Variants in IGF1R observed in about 807,000 individuals in gnomAD.
IGF1R encodes insulin like growth factor 1 receptor.
In IGF1R, 44 loss-of-function variants were observed where a neutral mutation model predicts 144.6. The ratio of observed to expected loss-of-function variants is 0.30; its 90% confidence interval spans 0.24 to 0.39. The LOEUF (loss-of-function observed/expected upper bound fraction) is 0.39, where lower values mean the gene tolerates loss of function less well. Ranked by LOEUF, IGF1R falls within the 10% of genes least tolerant of loss-of-function variation. The pLI is 1.00. For synonymous variants in IGF1R, 795 were observed against 722.8 expected (o/e 1.10, Z -1.60); for missense variants, 1,355 against 1,833.7 (o/e 0.74, Z 4.77).
At chr15:98,828,774 G>GTT (rs200266374) in intron 2 of IGF1R, among the ~76,000 whole-genome samples, 1,254 of 123,932 alleles carry the variant, frequency 0.01, 26 homozygotes, top group Admixed American at 0.047. Flanking sequence ...GCTGAGCATG[G>GTT]TTTTTTTTTT....
intron 2 of IGF1R, among the ~76,000 whole-genome samples, chr15:98,768,485 C>T (rs560948673): frequency 1.3e-5 from 2 of 150,874 alleles, no homozygotes; most frequent in Non-Finnish European, 2.9e-5. Flanking sequence ...CGTGGTGGTG[C>T]GTGCCTATAA....
chr15:98,674,755 A>G (rs903383694), intron 1 of IGF1R, among the ~76,000 whole-genome samples: 1 of 152,130 alleles, frequency 6.6e-6, no homozygotes, highest in Non-Finnish European at 1.5e-5. Context: ...CTTAATCTCA[A>G]GGTAACCATT....
intron 2 of IGF1R, among the ~76,000 whole-genome samples, chr15:98,738,209 T>C (rs1298016966): frequency 2.0e-5 from 3 of 152,188 alleles, no homozygotes; most frequent in African/African-American, 7.2e-5. Flanking sequence ...TTGGTCCCGT[T>C]GTAAGGCCAG....
intron 3 of IGF1R, among the ~76,000 whole-genome samples, chr15:98,892,805 C>T (rs1369143666): frequency 6.6e-6 from 1 of 151,950 alleles, no homozygotes; most frequent in Non-Finnish European, 1.5e-5. Context: ...CCCTTGAGGC[C>T]ATGGGTTCAA....
At position 98,811,642 on chromosome 15, in the gene IGF1R, A is replaced by G. The variant is rs571228271; in HGVS notation, c.641-79683A>G. Among the ~76,000 whole-genome samples, 11 of 151,748 alleles carry G rather than the reference A, an allele frequency of 7.2e-5. No homozygotes were observed. The South Asian group carries it at 1.7e-3, about 23-fold the overall frequency. On this transcript the variant is annotated intron_variant, in intron 2 of 20. Transcript: ENST00000650285. ...GTGAACCATAAGAAATAAGTCAACTATCAGCTGGGCGTGGTGGCTGACGCC... is the reference window on the plus strand; with the variant it reads ...GTGAACCATAAGAAATAAGTCAACTGTCAGCTGGGCGTGGTGGCTGACGCC...
At chr15:98,951,851 G>A (rs898585683) in intron 20 of IGF1R, among the ~76,000 whole-genome samples, 1 of 152,206 alleles carries the variant, frequency 6.6e-6, no homozygotes, top group Non-Finnish European at 1.5e-5. Flanking sequence ...GACCTTGACT[G>A]TGACTACTGG....
At chr15:98,700,712 A>C (rs1464838512) in intron 1 of IGF1R, among the ~76,000 whole-genome samples, 1 of 152,026 alleles carries the variant, frequency 6.6e-6, no homozygotes, top group Non-Finnish European at 1.5e-5. Context: ...GGATTCCCCC[A>C]GCTGCCACCA....
chr15:98,699,940 T>C (rs2053685751), intron 1 of IGF1R, among the ~76,000 whole-genome samples: 1 of 152,218 alleles, frequency 6.6e-6, no homozygotes, highest in Non-Finnish European at 1.5e-5. Context: ...ATGTGTTAGG[T>C]GGCCAGGATT....
At chr15:98,678,294 C>T (rs1359552113) in intron 1 of IGF1R, among the ~76,000 whole-genome samples, 2 of 152,098 alleles carry the variant, frequency 1.3e-5, no homozygotes, top group African/African-American at 4.8e-5. Context: ...TTTTTAATCT[C>T]TTATTTTAAA....
intron 2 of IGF1R, among the ~76,000 whole-genome samples, chr15:98,756,749 A>T (rs183818150): frequency 4.7e-4 from 72 of 152,262 alleles, no homozygotes; most frequent in Middle Eastern, 6.8e-3. Context: ...TTAAGGCTAT[A>T]CATTTTCTTT....
intron 1 of IGF1R, among the ~76,000 whole-genome samples, chr15:98,675,130 A>C (rs947953942): frequency 3.9e-5 from 6 of 151,962 alleles, no homozygotes; most frequent in African/African-American, 1.5e-4. Flanking sequence ...TTGGGACTAC[A>C]AGTGCATGCC....
intron 13 of IGF1R, 143 bp downstream of exon 13, chr15:98,924,827 G>A (rs941797394): frequency 5.1e-5 from 39 of 765,154 alleles, no homozygotes; most frequent in African/African-American, 2.2e-4. Flanking sequence ...CTAAGGTGCC[G>A]GCACATACCG....
chr15:98,649,983 G>T (rs955583654), intron 1 of IGF1R, among the ~76,000 whole-genome samples: 2 of 152,004 alleles, frequency 1.3e-5, no homozygotes. Flanking sequence ...TAGGGAAGTT[G>T]GTGCCGGGGC....
intron 2 of IGF1R, among the ~76,000 whole-genome samples, chr15:98,825,662 T>C (rs933124945): frequency 7.2e-5 from 11 of 152,220 alleles, no homozygotes; most frequent in African/African-American, 2.4e-4. Context: ...AATTGTCTTC[T>C]ACGGAACCGA....
intron 2 of IGF1R, among the ~76,000 whole-genome samples, chr15:98,792,564 C>G (rs1401814971): frequency 6.6e-6 from 1 of 152,102 alleles, no homozygotes; most frequent in Non-Finnish European, 1.5e-5. Context: ...GTGGTTGTTA[C>G]CCAGGTTACC....
chr15:98,744,263 T>G (rs2054813566), intron 2 of IGF1R, among the ~76,000 whole-genome samples: 1 of 151,780 alleles, frequency 6.6e-6, no homozygotes, highest in Non-Finnish European at 1.5e-5. Context: ...CATGCGAGTG[T>G]GATGGCCAGG....
At chr15:98,745,572 CTG>C (rs941275092) in intron 2 of IGF1R, among the ~76,000 whole-genome samples, 1 of 152,150 alleles carries the variant, frequency 6.6e-6, no homozygotes, top group Non-Finnish European at 1.5e-5. Context: ...CAGGACACCT[CTG>C]TGGTTTTGTT....
chr15:98,794,989 C>T (rs1423265770), intron 2 of IGF1R, among the ~76,000 whole-genome samples: 1 of 152,240 alleles, frequency 6.6e-6, no homozygotes, highest in Non-Finnish European at 1.5e-5. Context: ...GCAATGCTCT[C>T]AGCTTGGACC....
chr15:98,935,526 C>T lies in IGF1R; in HGVS notation c.3297+100C>T, dbSNP rs558534513. 2.6e-6 allele frequency: 2 copies of T among 784,204 alleles called. No individual in the cohort carries two copies. The highest frequency in any genetic ancestry group is 1.5e-5 in the South Asian group (1 of 68,648). 48.6% of individuals were successfully genotyped at this position (784,204 alleles called of 1,614,324 possible). On this transcript the variant is annotated intron_variant, in intron 17 of 20. Transcript: ENST00000650285. This position sits in a 1 kb window ranked among gnomAD's most constrained non-coding sequence, Gnocchi z 4.2. ...AATGCTGTGTCTTTAAATCAGTTTA[C>T]TTTCCAGCATCCAGTGTTTCTTACT...
Sources: gnomAD v4.1 joint callset for allele counts (sites outside exome capture counted in the v4.1 genomes callset) on GRCh38, gnomAD v4.1.1 for gene constraint, Gnocchi (gnomAD v3.1) non-coding constraint, MANE v1.5 for transcripts, NCBI Gene and HGNC (gene_info 2026-07-23, HGNC 2026-07-21) for gene names.